GRIK3: variants seen among roughly 807,000 people sequenced by gnomAD.
GRIK3 encodes the protein glutamate ionotropic receptor kainate type subunit 3, also known as glutamate receptor ionotropic, kainate 3.
GRIK3 carries 29 observed loss-of-function variants against 102.5 expected under a neutral mutation model. The observed-to-expected ratio is 0.28, with a 90% CI of 0.21 to 0.39. GRIK3 has a LOEUF of 0.39. Ranked by LOEUF, GRIK3 falls within the 10% of genes least tolerant of loss-of-function variation. The pLI is 1.00. For missense variants in GRIK3, 908 were observed against 1,252.4 expected, an observed-to-expected ratio of 0.73 and a Z score of 4.15; for synonymous variants, 511 against 504.9, an observed-to-expected ratio of 1.01 and a Z score of -0.16.
At chr1:36,885,808 A>ACAACCC (rs2124268144) in intron 2 of GRIK3, among the ~76,000 whole-genome samples, 1 of 152,258 alleles carries the variant, frequency 6.6e-6, no homozygotes, top group Non-Finnish European at 1.5e-5. Flanking sequence ...CACTGCAGTA[A>ACAACCC]TTACATTATT....
rs1171123659 is a variant in GRIK3, at chr1:36,960,010, C to A, written c.116-68914G>T. ...CCTCTGTGCCCCGTGAGTCTGTGTG[C>A]CCCATAAGTCTGTGTGCCCCGCGAG... On this transcript the variant is annotated intron_variant, in intron 1 of 15. Coordinates refer to ENST00000373091, the MANE Select transcript of GRIK3 (RefSeq NM_000831.4). 4.4e-5 allele frequency among the ~76,000 whole-genome samples: 5 copies of A among 112,778 alleles called. 1 individual carries two copies. The highest frequency in any genetic ancestry group is 5.7e-5 in the Non-Finnish European group (3 of 53,064). The allele number at this position is 112,778 out of a possible 152,430, so 74.0% of individuals were successfully genotyped here.
At chr1:36,836,673 A>C (rs1640382920) in intron 10 of GRIK3, among the ~76,000 whole-genome samples, 1 of 152,218 alleles carries the variant, frequency 6.6e-6, no homozygotes, top group African/African-American at 2.4e-5. Flanking sequence ...AGCCCCATCT[A>C]TGAGGCAGGG....
Position 36,836,596 on chromosome 1 carries a change from T to C in GRIK3, c.1530+5140A>G, listed in dbSNP as rs1383118457. 2.6e-5 allele frequency among the ~76,000 whole-genome samples: 4 copies of C among 152,224 alleles called. No individual in the cohort carries two copies. In the East Asian group the frequency reaches 5.8e-4, roughly 22 times the overall value. On this transcript the variant is annotated intron_variant, in intron 10 of 15. Coordinates refer to ENST00000373091, the MANE Select transcript of GRIK3 (RefSeq NM_000831.4). ...GGTGCAACTTCTCCATAGGAAAGTA[T>C]ACAATATGCTAAGGCTACCAGTGAT...
chr1:36,803,665 G>A (rs957496303), intron 15 of GRIK3, among the ~76,000 whole-genome samples: 4 of 152,100 alleles, frequency 2.6e-5, no homozygotes, highest in Non-Finnish European at 4.4e-5. Context: ...TCTTGACTTC[G>A]TGATCCACCC....
chr1:36,817,133 G>A lies in GRIK3; in HGVS notation c.2018C>T (p.Ala673Val). 6.2e-7 allele frequency: 1 copy of A among 1,614,154 alleles called. No homozygotes were observed. The highest frequency in any genetic ancestry group is 8.5e-7 in the Non-Finnish European group (1 of 1,180,004). Reference protein sequence around the residue: ...VERMESPIDSADDLAKQTKIE... With the variant: ...VERMESPIDSVDDLAKQTKIE... Reference sequence around the variant, plus strand: ...TTTGGTTTGCTTGGCCAGGTCATCAGCAGAGTCAATGGGTGATTCCATGCG... The same window carrying A: ...TTTGGTTTGCTTGGCCAGGTCATCAACAGAGTCAATGGGTGATTCCATGCG... Residue 673 changes from alanine (A) to valine (V), a missense_variant, in exon 13 of 16, where the codon GCT becomes GTT. Physicochemically the swap from Ala to Val is moderately conservative, Grantham distance 64 (BLOSUM62 0). Around this residue, in one of 3 missense-constraint regions of GRIK3, gnomAD observed 297 missense variants for 362.7 expected, o/e 0.82. Coordinates refer to ENST00000373091, the MANE Select transcript of GRIK3 (RefSeq NM_000831.4).
rs553313631 is a variant in GRIK3, at chr1:36,834,100, T to C, written c.1530+7636A>G. On this transcript the variant is annotated intron_variant, in intron 10 of 15. Transcript: ENST00000373091. ...ATATTTATATCTATTCCTATGTTCATAGATAATTGCCCATTTCTTCCACTA... is the reference window on the plus strand; with the variant it reads ...ATATTTATATCTATTCCTATGTTCACAGATAATTGCCCATTTCTTCCACTA... Among the ~76,000 whole-genome samples the C allele has an allele frequency of 2.6e-5, 4 of 152,364 alleles. No homozygotes were observed. In the South Asian group the frequency reaches 6.2e-4, roughly 24 times the overall value.
intron 1 of GRIK3, among the ~76,000 whole-genome samples, chr1:36,906,613 A>G (rs1312132217): frequency 6.6e-6 from 1 of 151,702 alleles, no homozygotes; most frequent in Non-Finnish European, 1.5e-5. Context: ...TCGGAGGGTA[A>G]ATGTTTTAGA....
At chr1:36,909,449 C>T (rs947476623) in intron 1 of GRIK3, among the ~76,000 whole-genome samples, 1 of 152,126 alleles carries the variant, frequency 6.6e-6, no homozygotes, top group African/African-American at 2.4e-5. Context: ...CAGGTGCACG[C>T]CACCATGCCT....
At chr1:36,957,435 GCTC>G (rs1641927642) in intron 1 of GRIK3, among the ~76,000 whole-genome samples, 1 of 85,348 alleles carries the variant, frequency 1.2e-5, no homozygotes, top group Non-Finnish European at 2.5e-5. Flanking sequence ...GAGCCTCTGT[GCTC>G]TGTGAGTCTG....
At chr1:36,971,938 T>C (rs755990005) in intron 1 of GRIK3, among the ~76,000 whole-genome samples, 2 of 152,226 alleles carry the variant, frequency 1.3e-5, no homozygotes, top group Non-Finnish European at 2.9e-5. Context: ...CTTACCTCTC[T>C]GTGAAGTGCT....
At chr1:36,907,468 C>T (rs969065470) in intron 1 of GRIK3, among the ~76,000 whole-genome samples, 7 of 152,100 alleles carry the variant, frequency 4.6e-5, no homozygotes, top group Admixed American at 3.9e-4. Flanking sequence ...GGAGGCCCAT[C>T]GTTAGAAAAG....
At chr1:37,000,986 A>C (rs1642470148) in intron 1 of GRIK3, among the ~76,000 whole-genome samples, 1 of 152,250 alleles carries the variant, frequency 6.6e-6, no homozygotes, top group African/African-American at 2.4e-5. Context: ...GAAGGTGGTC[A>C]GTGGTACCTG....
At chr1:36,968,889 A>G (rs186356935) in intron 1 of GRIK3, among the ~76,000 whole-genome samples, 1 of 151,776 alleles carries the variant, frequency 6.6e-6, no homozygotes, top group Non-Finnish European at 1.5e-5. Context: ...ATTTGAGCAA[A>G]CAGAATGACT....
intron 1 of GRIK3, among the ~76,000 whole-genome samples, chr1:36,987,867 T>C (rs758085426): frequency 1.1e-4 from 16 of 151,960 alleles, no homozygotes; most frequent in Non-Finnish European, 2.2e-4. Context: ...AGACCCAACT[T>C]TGCACAATGA....
At chr1:36,862,438 A>T (rs1640738394) in intron 5 of GRIK3, among the ~76,000 whole-genome samples, 1 of 151,606 alleles carries the variant, frequency 6.6e-6, no homozygotes, top group Admixed American at 6.6e-5. Flanking sequence ...GTCTTTGGGG[A>T]TTTTATTTTT....
intron 1 of GRIK3, among the ~76,000 whole-genome samples, chr1:36,932,864 C>A (rs186239919): frequency 6.6e-6 from 1 of 152,084 alleles, no homozygotes; most frequent in Non-Finnish European, 1.5e-5. Flanking sequence ...TATCTCCAGC[C>A]CAGGGCCTGG....
chr1:37,025,862 C>T (rs1407982689), intron 1 of GRIK3, among the ~76,000 whole-genome samples: 1 of 152,218 alleles, frequency 6.6e-6, no homozygotes, highest in Non-Finnish European at 1.5e-5. Flanking sequence ...AACTACCATT[C>T]AGCATGGCAC....
intron 1 of GRIK3, among the ~76,000 whole-genome samples, chr1:36,989,699 T>C (rs902817297): frequency 3.3e-5 from 5 of 152,220 alleles, no homozygotes; most frequent in South Asian, 2.1e-4. Flanking sequence ...ACAGGCCAGG[T>C]CCCAGACTGG....
intron 10 of GRIK3, among the ~76,000 whole-genome samples, chr1:36,830,588 T>C (rs1184165391): frequency 1.3e-5 from 2 of 151,988 alleles, no homozygotes; most frequent in African/African-American, 4.8e-5. Context: ...GGTGGGTGGA[T>C]TGCCTGAAGG....
Sources: gnomAD v4.1 joint callset for allele counts (sites outside exome capture counted in the v4.1 genomes callset) on GRCh38, gnomAD v4.1.1 for gene constraint, gnomAD v4.1.1 regional missense constraint, MANE v1.5 for transcripts, NCBI Gene and HGNC (gene_info 2026-07-23, HGNC 2026-07-21) for gene names.